PCDH11Y: variants seen among roughly 807,000 people sequenced by gnomAD.
The protein encoded by PCDH11Y is protocadherin 11 Y-linked, also known as protocadherin-11 Y-linked.
For synonymous variants in PCDH11Y, 9 were observed against 83.6 expected (o/e 0.11, Z 4.87); for missense variants, 12 against 224.8 (o/e 0.05, Z 6.05).
intron 4 of PCDH11Y, among the ~76,000 whole-genome samples, chrY:5,637,414 A>G (rs2053519024): frequency 3.0e-5 from 1 of 33,716 alleles, no homozygotes; most frequent in East Asian, 7.8e-4. Flanking sequence ...CAAATTGAGA[A>G]GTAAATGTGA....
intron 1 of PCDH11Y, among the ~76,000 whole-genome samples, chrY:5,004,911 T>G: frequency 1.2e-4 from 4 of 33,890 alleles, no homozygotes. Context: ...ATGATGTAAT[T>G]GAACATAATG....
chrY:5,387,355 G>A (rs2124675498), intron 2 of PCDH11Y, among the ~76,000 whole-genome samples: 1 of 33,286 alleles, frequency 3.0e-5, no homozygotes, highest in Non-Finnish European at 7.4e-5. Context: ...TGTCCCATGG[G>A]GTGTTCCCTT....
chrY:5,432,775 A>G (rs2124680753), intron 2 of PCDH11Y, among the ~76,000 whole-genome samples: 1 of 33,422 alleles, frequency 3.0e-5, no homozygotes, highest in South Asian at 6.5e-4. Context: ...TTATTATTTC[A>G]AAGCACCTTA....
intron 2 of PCDH11Y, among the ~76,000 whole-genome samples, chrY:5,323,184 GCT>G (rs2053114948): frequency 4.6e-5 from 1 of 21,851 alleles, no homozygotes; most frequent in African/African-American, 1.8e-4. Flanking sequence ...AGCTCCAAAT[GCT>G]CTTTTTTTTT....
intron 2 of PCDH11Y, among the ~76,000 whole-genome samples, chrY:5,163,497 A>G (rs2052876468): frequency 3.0e-5 from 1 of 32,972 alleles, no homozygotes; most frequent in South Asian, 6.8e-4. Flanking sequence ...GCCTAAACCT[A>G]ATACTGAAAT....
intron 3 of PCDH11Y, among the ~76,000 whole-genome samples, chrY:5,043,416 T>C: frequency 3.0e-5 from 1 of 33,552 alleles, no homozygotes; most frequent in Non-Finnish European, 7.4e-5. Flanking sequence ...ATTACATTTA[T>C]TGATTTGCGT....
chrY:5,315,141 A>G (rs2053105774), intron 2 of PCDH11Y, among the ~76,000 whole-genome samples: 4 of 33,205 alleles, frequency 1.2e-4, no homozygotes, highest in African/African-American at 4.7e-4. Flanking sequence ...TGGAAACTAG[A>G]GAAATAGTTA....
intron 2 of PCDH11Y, among the ~76,000 whole-genome samples, chrY:5,421,587 G>A: frequency 3.2e-5 from 1 of 31,238 alleles, no homozygotes; most frequent in East Asian, 8.4e-4. Context: ...TGGAATACAA[G>A]GATGTTTCAG....
chrY:5,698,425 C>T, intron 4 of PCDH11Y, among the ~76,000 whole-genome samples: 3 of 32,196 alleles, frequency 9.3e-5, no homozygotes, highest in Non-Finnish European at 1.5e-4. Context: ...AACTTGATTC[C>T]ATTTCCCTCC....
intron 2 of PCDH11Y, among the ~76,000 whole-genome samples, chrY:5,371,387 G>A: frequency 3.0e-5 from 1 of 33,491 alleles, no homozygotes; most frequent in Non-Finnish European, 7.4e-5. Flanking sequence ...ACATCTTTCC[G>A]TTTTCTGCAA....
chrY:5,461,083 TA>T (rs2053302826), intron 2 of PCDH11Y, among the ~76,000 whole-genome samples: 1 of 32,696 alleles, frequency 3.1e-5, no homozygotes, highest in African/African-American at 1.2e-4. Context: ...TAATTGGTGG[TA>T]AAAAAAACTA....
At chrY:5,491,301 T>G in intron 2 of PCDH11Y, among the ~76,000 whole-genome samples, 1 of 32,436 alleles carries the variant, frequency 3.1e-5, no homozygotes, top group Admixed American at 2.8e-4. Context: ...AGCATGGACT[T>G]TCTCCCGTCT....
intron 1 of PCDH11Y, among the ~76,000 whole-genome samples, chrY:5,067,725 AT>A (rs2124629986): frequency 3.1e-5 from 1 of 32,598 alleles, no homozygotes; most frequent in African/African-American, 1.2e-4. Flanking sequence ...CTCAAGAGTT[AT>A]TTTAGGCCGG....
chrY:5,682,332 C>CTGTTA (rs2053559480), intron 4 of PCDH11Y, among the ~76,000 whole-genome samples: 2 of 13,444 alleles, frequency 1.5e-4, no homozygotes, highest in Non-Finnish European at 2.9e-4. Flanking sequence ...AATTGTCTCA[C>CTGTTA]TGTTATACAG....
intron 2 of PCDH11Y, among the ~76,000 whole-genome samples, chrY:5,476,441 A>T (rs2053319099): frequency 4.5e-5 from 1 of 22,365 alleles, no homozygotes; most frequent in African/African-American, 1.7e-4. Context: ...AAAAAAAAAA[A>T]AAAAAAAAAA....
At chrY:5,594,714 G>A in intron 4 of PCDH11Y, among the ~76,000 whole-genome samples, 8 of 31,329 alleles carry the variant, frequency 2.6e-4, no homozygotes, top group Non-Finnish European at 4.7e-4. Context: ...AGGTTGCACC[G>A]CAAAGAGGCA....
intron 4 of PCDH11Y, among the ~76,000 whole-genome samples, chrY:5,653,341 C>T: frequency 3.1e-5 from 1 of 32,636 alleles, no homozygotes; most frequent in Non-Finnish European, 7.5e-5. Flanking sequence ...TTGAACCCAT[C>T]GCAAATAAGT....
intron 1 of PCDH11Y, among the ~76,000 whole-genome samples, chrY:5,023,990 G>T: frequency 1.2e-4 from 4 of 33,046 alleles, no homozygotes; most frequent in Non-Finnish European, 3.0e-4. Flanking sequence ...CCACCTGCAT[G>T]AAATAATTTT....
chrY:5,242,994 G>A, intron 2 of PCDH11Y, among the ~76,000 whole-genome samples: 1 of 33,472 alleles, frequency 3.0e-5, no homozygotes, highest in Non-Finnish European at 7.4e-5. Flanking sequence ...AGGATGTGTA[G>A]AGTCAAAAAT....
Sources: allele counts gnomAD v4.1 joint callset (sites outside exome capture counted in the v4.1 genomes callset), GRCh38; gene constraint gnomAD v4.1.1; transcripts MANE v1.5; gene names NCBI Gene and HGNC (gene_info 2026-07-23, HGNC 2026-07-21).